The following GALNTL6 variants were observed in gnomAD, a reference collection of about 807,000 sequenced individuals.
GALNTL6 encodes the protein polypeptide N-acetylgalactosaminyltransferase-like 6.
In GALNTL6, 46 loss-of-function variants were observed where a neutral mutation model predicts 73.7. The observed-to-expected ratio is 0.62, with a 90% CI of 0.49 to 0.80. GALNTL6 has a LOEUF of 0.80. GALNTL6 is among the 30% of genes least tolerant of loss of function. The pLI, the probability that GALNTL6 is intolerant of heterozygous loss-of-function variation, is 0.00. For synonymous variants in GALNTL6, 259 were observed against 263.7 expected (o/e 0.98, Z 0.17); for missense variants, 604 against 755.0 (o/e 0.80, Z 2.34).
chr4:172,442,138 G>A (rs1015725139), intron 5 of GALNTL6, among the ~76,000 whole-genome samples: 9 of 152,100 alleles, frequency 5.9e-5, no homozygotes, highest in East Asian at 3.8e-4. Context: ...TCAAAAGGTC[G>A]CAGGATCCTA....
chr4:171,909,349 A>G (rs1737404204), intron 2 of GALNTL6, among the ~76,000 whole-genome samples: 1 of 152,130 alleles, frequency 6.6e-6, no homozygotes, highest in Admixed American at 6.6e-5. Flanking sequence ...ATCCAGGGTT[A>G]TAAAAGAGAG....
At chr4:172,533,842 G>A (rs1326972435) in intron 5 of GALNTL6, among the ~76,000 whole-genome samples, 1 of 152,098 alleles carries the variant, frequency 6.6e-6, no homozygotes, top group Admixed American at 6.6e-5. Flanking sequence ...ATGGAATAAT[G>A]TAAAATATTA....
intron 2 of GALNTL6, among the ~76,000 whole-genome samples, chr4:172,168,270 G>GTTTGTTTTGT (rs200854509): frequency 3.3e-5 from 5 of 151,984 alleles, no homozygotes; most frequent in South Asian, 2.1e-4. Context: ...AAAGTTTTTT[G>GTTTGTTTTGT]TTTGTTTTGT....
intron 2 of GALNTL6, among the ~76,000 whole-genome samples, chr4:171,924,370 A>G (rs2110984998): frequency 6.6e-6 from 1 of 152,278 alleles, no homozygotes; most frequent in Non-Finnish European, 1.5e-5. Flanking sequence ...TTTGTGCAAA[A>G]ACGTTATGAG....
chr4:172,608,738 C>T (rs1328355656), intron 5 of GALNTL6, among the ~76,000 whole-genome samples: 3 of 152,018 alleles, frequency 2.0e-5, no homozygotes, highest in Non-Finnish European at 4.4e-5. Context: ...GCCTTGAGGC[C>T]ATTTTAATAA....
At chr4:172,661,173 T>C (rs2111179201) in intron 5 of GALNTL6, among the ~76,000 whole-genome samples, 1 of 152,280 alleles carries the variant, frequency 6.6e-6, no homozygotes, top group South Asian at 2.1e-4. Flanking sequence ...ATAATGTGGA[T>C]GGGCCTCATA....
At chr4:172,205,851 T>C (rs1044128582) in intron 2 of GALNTL6, among the ~76,000 whole-genome samples, 6 of 152,208 alleles carry the variant, frequency 3.9e-5, no homozygotes. Context: ...CATCACATAG[T>C]TTTTCCTTTC....
intron 7 of GALNTL6, among the ~76,000 whole-genome samples, chr4:172,848,603 C>A (rs1244581243): frequency 1.3e-5 from 2 of 152,100 alleles, no homozygotes; most frequent in Non-Finnish European, 2.9e-5. Flanking sequence ...AAGTTTAAGA[C>A]CTCATCTTGA....
At chr4:171,907,552 G>T (rs1412478120) in intron 2 of GALNTL6, among the ~76,000 whole-genome samples, 1 of 151,940 alleles carries the variant, frequency 6.6e-6, no homozygotes, top group Non-Finnish European at 1.5e-5. Flanking sequence ...TCAATATCGT[G>T]AAAATGGCCA....
intron 2 of GALNTL6, among the ~76,000 whole-genome samples, chr4:171,994,565 A>G (rs1364037780): frequency 1.3e-5 from 2 of 152,046 alleles, no homozygotes; most frequent in Admixed American, 1.3e-4. Flanking sequence ...CACTGGGTAC[A>G]TTGTACACTG....
At chr4:172,054,233 A>G (rs1298330573) in intron 2 of GALNTL6, among the ~76,000 whole-genome samples, 2 of 152,156 alleles carry the variant, frequency 1.3e-5, no homozygotes, top group African/African-American at 4.8e-5. Context: ...AACTTTAGAT[A>G]TTAGAACAAT....
At position 172,480,474 on chromosome 4, in the gene GALNTL6, CAATT is replaced by C. The variant is rs1211522410; in HGVS notation, c.553+131786_553+131789del. ...GCTCAAATCCTTTAATAGTTGAAAT[CAATT>C]GAGCTATTATTTATTAAGTAACTAC... On this transcript the variant is annotated intron_variant, in intron 5 of 12. Coordinates refer to ENST00000506823, the MANE Select transcript of GALNTL6 (RefSeq NM_001034845.3). Among the ~76,000 whole-genome samples the C allele has an allele frequency of 2.0e-5, 3 of 152,234 alleles. No homozygotes were observed. The East Asian group carries it at 5.8e-4, about 29-fold the overall frequency.
intron 5 of GALNTL6, among the ~76,000 whole-genome samples, chr4:172,485,571 A>G (rs1733636427): frequency 6.6e-6 from 1 of 152,168 alleles, no homozygotes; most frequent in Non-Finnish European, 1.5e-5. Flanking sequence ...TTATTCCTCT[A>G]TCACAAATTA....
chr4:171,924,759 A>G (rs912089124), intron 2 of GALNTL6, among the ~76,000 whole-genome samples: 5 of 152,174 alleles, frequency 3.3e-5, no homozygotes, highest in African/African-American at 1.2e-4. Flanking sequence ...ACCCATCTCT[A>G]CAGACTCTGG....
At position 172,276,871 on chromosome 4, in the gene GALNTL6, AT is replaced by A. The variant is rs1311402243; in HGVS notation, c.248-34738del. On this transcript the variant is annotated intron_variant, in intron 3 of 12. Transcript: ENST00000506823. ...GTAAAATGTATTTAAAATATAGATTATTTTTAAAAACATGCCATTTTATTAA... is the reference window on the plus strand; with the variant it reads ...GTAAAATGTATTTAAAATATAGATTATTTTAAAAACATGCCATTTTATTAA... Among the ~76,000 whole-genome samples the A allele has an allele frequency of 2.0e-5, 3 of 152,278 alleles. No homozygotes were observed. The South Asian group carries it at 6.2e-4, about 32-fold the overall frequency.
chr4:172,744,769 A>G (rs919168580), intron 5 of GALNTL6, among the ~76,000 whole-genome samples: 2 of 151,946 alleles, frequency 1.3e-5, no homozygotes, highest in South Asian at 2.1e-4. Context: ...ATCACTGTTG[A>G]TACCAAGAAG....
intron 2 of GALNTL6, among the ~76,000 whole-genome samples, chr4:171,960,692 A>AAAAAAAAAAAAAAAAAAAAAAAAAAATT (rs1739197044): frequency 1.9e-5 from 1 of 52,192 alleles, no homozygotes; most frequent in Non-Finnish European, 4.4e-5. Context: ...TTTATTTAAA[A>AAAAAAAAAAAAAAAAAAAAAAAAAAATT]AAAAAAAAAA....
chr4:172,578,717 T>C (rs977928409), intron 5 of GALNTL6, among the ~76,000 whole-genome samples: 4 of 152,258 alleles, frequency 2.6e-5, no homozygotes, highest in African/African-American at 9.6e-5. Context: ...AATTTTTAGC[T>C]AGATGTGTTA....
intron 2 of GALNTL6, among the ~76,000 whole-genome samples, chr4:172,119,350 G>GA (rs1194286841): frequency 1.3e-5 from 2 of 152,022 alleles, no homozygotes; most frequent in African/African-American, 4.8e-5. Context: ...TAACACATTT[G>GA]AAAAAACTGA....
Sources: gnomAD v4.1 joint callset for allele counts (sites outside exome capture counted in the v4.1 genomes callset) on GRCh38, gnomAD v4.1.1 for gene constraint, MANE v1.5 for transcripts, NCBI Gene and HGNC (gene_info 2026-07-23, HGNC 2026-07-21) for gene names.